The following HDAC9 variants were observed in gnomAD, a reference collection of about 807,000 sequenced individuals.
The protein encoded by HDAC9 is MEF-2 interacting transcription repressor (MITR) protein.
In HDAC9, 41 loss-of-function variants were observed where a neutral mutation model predicts 139.4. The observed-to-expected ratio is 0.29, with a 90% confidence interval of 0.23 to 0.38. The LOEUF (loss-of-function observed/expected upper bound fraction) is 0.38. Ranked by LOEUF, HDAC9 falls within the 10% of genes least tolerant of loss-of-function variation. The probability of loss-of-function intolerance (pLI) is 1.00; values close to 1 mark genes in which losing one functional copy is unlikely to be tolerated. For missense variants in HDAC9, 1,147 were observed against 1,297.0 expected (o/e 0.88, Z 1.78); for synonymous variants, 517 against 476.2 (o/e 1.09, Z -1.12).
rs921476210 is a variant in HDAC9 at position 18,999,529 on chromosome 7, T to C, written c.*3467T>C. 6.6e-6 allele frequency: 1 copy of C among 152,250 alleles called. No individual in the cohort carries two copies. Among genetic ancestry groups the C allele is most frequent in the Non-Finnish European group, 1.5e-5 (1 of 68,078 alleles). The allele number at this position is 152,250 out of a possible 1,614,324, so 9.4% of individuals were successfully genotyped here. A position where few individuals can be genotyped will look rare whatever the true frequency, so the allele number is the denominator to read the frequency against. ...TGGAGTGCAATGGCGCAATCTCGAC[T>C]CACTGCAACCTCCGCCTCCCGGGTT... On this transcript the variant is annotated 3_prime_UTR_variant, in exon 26 of 26. Transcript: ENST00000686413.
intron 1 of HDAC9, among the ~76,000 whole-genome samples, chr7:18,110,202 A>G (rs1192713755): frequency 6.6e-6 from 1 of 152,246 alleles, no homozygotes; most frequent in African/African-American, 2.4e-5. Flanking sequence ...TTTTATAGTC[A>G]TAGAAGGAGC....
At chr7:18,436,084 C>T (rs1791176506) in intron 1 of HDAC9, among the ~76,000 whole-genome samples, 1 of 151,828 alleles carries the variant, frequency 6.6e-6, no homozygotes, top group Admixed American at 6.6e-5. Flanking sequence ...TCCCAAAGTA[C>T]TGGGATTACA....
intron 1 of HDAC9, among the ~76,000 whole-genome samples, chr7:18,346,854 G>C (rs1486879041): frequency 6.6e-6 from 1 of 152,120 alleles, no homozygotes; most frequent in Non-Finnish European, 1.5e-5. Context: ...AGCTGAGAGT[G>C]CAGGTCATTT....
intron 1 of HDAC9, among the ~76,000 whole-genome samples, chr7:18,359,159 C>T (rs991589628): frequency 7.2e-5 from 11 of 152,206 alleles, no homozygotes; most frequent in Middle Eastern, 3.4e-3. Flanking sequence ...AGTTCAATAT[C>T]GGCCCAGACA....
intron 21 of HDAC9, among the ~76,000 whole-genome samples, chr7:18,855,625 G>C (rs1455611418): frequency 6.6e-6 from 1 of 151,862 alleles, no homozygotes; most frequent in Non-Finnish European, 1.5e-5. Context: ...TTCTTAATAT[G>C]TTAAATTTAT....
At chr7:18,900,831 A>G (rs1194872121) in intron 22 of HDAC9, among the ~76,000 whole-genome samples, 1 of 152,146 alleles carries the variant, frequency 6.6e-6, no homozygotes, top group Non-Finnish European at 1.5e-5. Flanking sequence ...CAACATGTGA[A>G]CAGTCTAGTG....
At chr7:18,098,083 A>G (rs1394076904) in intron 1 of HDAC9, among the ~76,000 whole-genome samples, 3 of 152,210 alleles carry the variant, frequency 2.0e-5, no homozygotes, top group African/African-American at 7.2e-5. Flanking sequence ...AACTAGCACC[A>G]TATGCATTTA....
chr7:18,657,120 A>G (rs1791488855), intron 11 of HDAC9, among the ~76,000 whole-genome samples: 1 of 152,068 alleles, frequency 6.6e-6, no homozygotes, highest in Non-Finnish European at 1.5e-5. Context: ...CCGTTTTAAA[A>G]TCAGATTATT....
At chr7:18,120,426 A>G (rs543252497) in intron 1 of HDAC9, among the ~76,000 whole-genome samples, 19 of 152,346 alleles carry the variant, frequency 1.2e-4, no homozygotes, top group African/African-American at 4.6e-4. Context: ...CAAGCCATTC[A>G]TTAGAGACGG....
At chr7:18,775,090 G>T (rs2129167199) in intron 16 of HDAC9, among the ~76,000 whole-genome samples, 1 of 152,056 alleles carries the variant, frequency 6.6e-6, no homozygotes, top group South Asian at 2.1e-4. Context: ...ACTGATCGGT[G>T]GAGCAGAAGT....
intron 25 of HDAC9, among the ~76,000 whole-genome samples, chr7:18,991,447 C>G (rs1053073219): frequency 1.3e-5 from 2 of 152,122 alleles, no homozygotes; most frequent in East Asian, 1.9e-4. Flanking sequence ...ACCATCCTGG[C>G]TAACACGGTG....
At chr7:18,895,129 C>A (rs933690774) in intron 22 of HDAC9, among the ~76,000 whole-genome samples, 2 of 152,004 alleles carry the variant, frequency 1.3e-5, no homozygotes, top group Non-Finnish European at 2.9e-5. Context: ...AACTTATGAG[C>A]CCATGTAAAT....
intron 21 of HDAC9, among the ~76,000 whole-genome samples, chr7:18,857,440 GT>G (rs1343453782): frequency 1.3e-5 from 2 of 151,598 alleles, no homozygotes; most frequent in African/African-American, 4.8e-5. Flanking sequence ...GAAAGCCACT[GT>G]TTAAACAGCC....
intron 2 of HDAC9, among the ~76,000 whole-genome samples, chr7:18,280,279 C>G (rs1797016676): frequency 6.6e-6 from 1 of 152,002 alleles, no homozygotes; most frequent in East Asian, 1.9e-4. Context: ...TAGTGTGACT[C>G]CATCTCTACA....
chr7:18,635,780 A>G (rs1783698121), intron 8 of HDAC9, among the ~76,000 whole-genome samples: 1 of 152,044 alleles, frequency 6.6e-6, no homozygotes, highest in African/African-American at 2.4e-5. Context: ...TTATTCTTGG[A>G]TCATCTCCAT....
At chr7:18,446,614 C>A (rs1396446572) in intron 1 of HDAC9, among the ~76,000 whole-genome samples, 1 of 152,054 alleles carries the variant, frequency 6.6e-6, no homozygotes, top group Non-Finnish European at 1.5e-5. Context: ...GCCTCTATGT[C>A]CACATCCTCA....
At chr7:18,831,530 G>T (rs917118083) in intron 19 of HDAC9, among the ~76,000 whole-genome samples, 1 of 152,054 alleles carries the variant, frequency 6.6e-6, no homozygotes, top group African/African-American at 2.4e-5. Context: ...TGTAGTAGAC[G>T]AGAAGTTTTT....
intron 12 of HDAC9, among the ~76,000 whole-genome samples, chr7:18,712,132 A>G (rs912749794): frequency 6.6e-6 from 1 of 152,160 alleles, no homozygotes; most frequent in Admixed American, 6.6e-5. Flanking sequence ...TTAAATAAAT[A>G]GGGGTACTTT....
At chr7:18,370,490 A>G (rs1784512177) in intron 1 of HDAC9, among the ~76,000 whole-genome samples, 2 of 151,960 alleles carry the variant, frequency 1.3e-5, no homozygotes, top group Non-Finnish European at 2.9e-5. Flanking sequence ...TTAAAACTTC[A>G]CTCTTAATTT....
Sources: allele counts gnomAD v4.1 joint callset (sites outside exome capture counted in the v4.1 genomes callset), GRCh38; gene constraint gnomAD v4.1.1; transcripts MANE v1.5; gene names NCBI Gene and HGNC (gene_info 2026-07-23, HGNC 2026-07-21).